Variants in UNC13B observed in about 807,000 individuals in gnomAD.
UNC13B encodes the protein protein unc-13 homolog B.
UNC13B carries 144 observed loss-of-function variants against 211.0 expected under a neutral mutation model. The observed-to-expected ratio is 0.68, with a 90% CI of 0.60 to 0.78. The LOEUF (loss-of-function observed/expected upper bound fraction) is 0.78. UNC13B is among the 30% of genes least tolerant of loss of function. The probability of loss-of-function intolerance (pLI) is 0.00; values close to 1 mark genes in which losing one functional copy is unlikely to be tolerated. For synonymous variants in UNC13B, 709 were observed against 725.8 expected (o/e 0.98, Z 0.37); for missense variants, 1,777 against 2,002.0 (o/e 0.89, Z 2.14).
Position 35,272,414 on chromosome 9 carries a change from C to T in UNC13B, c.526+13364C>T, listed in dbSNP as rs370494949. Among the ~76,000 whole-genome samples the T allele has an allele frequency of 7.6e-4, 116 of 151,918 alleles. 1 individual carries two copies. In the South Asian group the frequency reaches 0.019, roughly 25 times the overall value. The stretch of plus-strand genomic sequence containing the variant: ...CTGGGATTACAGGCACCTACCACCA[C>T]ACGTGGCTAATTTTTGTATTTTTAG... On this transcript the variant is annotated intron_variant, in intron 7 of 39. Transcript: ENST00000635942.
chr9:35,209,437 G>A (rs1051246762), intron 1 of UNC13B, among the ~76,000 whole-genome samples: 2 of 152,030 alleles, frequency 1.3e-5, no homozygotes, highest in African/African-American at 4.8e-5. Context: ...AAGTGCAGTG[G>A]CATGACTTTG....
rs1045116787 is a variant in UNC13B at position 35,240,840 on chromosome 9, G to A, written c.395-2451G>A. Among the ~76,000 whole-genome samples the A allele has an allele frequency of 3.3e-5, 5 of 152,084 alleles. No individual in the cohort carries two copies. In the South Asian group the frequency reaches 8.3e-4, roughly 25 times the overall value. On this transcript the variant is annotated intron_variant, in intron 5 of 39. Transcript: ENST00000635942. Reference sequence around the variant, plus strand: ...GGAGGCTGAGGTGGGTGGATCATGAGGTCAGGAGTTCAAGACCAGCCTGAC... The same window carrying A: ...GGAGGCTGAGGTGGGTGGATCATGAAGTCAGGAGTTCAAGACCAGCCTGAC...
intron 15 of UNC13B, among the ~76,000 whole-genome samples, chr9:35,376,878 A>T (rs898383547): frequency 2.0e-5 from 3 of 152,192 alleles, no homozygotes; most frequent in African/African-American, 7.2e-5. Context: ...TAGCGCTCAA[A>T]GTTCATATCT....
intron 5 of UNC13B, among the ~76,000 whole-genome samples, chr9:35,242,954 A>G (rs1377856716): frequency 6.6e-6 from 1 of 152,146 alleles, no homozygotes; most frequent in Non-Finnish European, 1.5e-5. Context: ...GGAAGGTAGT[A>G]TGGTTACATA....
chr9:35,348,998 A>G (rs1324784403), intron 11 of UNC13B, among the ~76,000 whole-genome samples: 2 of 152,010 alleles, frequency 1.3e-5, no homozygotes, highest in Non-Finnish European at 2.9e-5. Flanking sequence ...GCTCACCGCA[A>G]CCTCTGCCTC....
rs749880243 is a variant in UNC13B, at chr9:35,313,887, C to T, written c.9324-12C>T. 1 of 1,607,938 alleles carries T rather than the reference C, an allele frequency of 6.2e-7. No individual in the cohort carries two copies. Among genetic ancestry groups the T allele is most frequent in the Non-Finnish European group, 8.5e-7 (1 of 1,174,652 alleles). ...GCTATTTTTAAGAAATGTACTTTTT[C>T]TCTGTTACAAGTTTTCCTGAGGAGA... is the stretch of plus-strand genomic sequence containing the variant. On this transcript the variant is annotated splice_polypyrimidine_tract_variant and intron_variant, in intron 10 of 39. Transcript: ENST00000635942.
intron 11 of UNC13B, among the ~76,000 whole-genome samples, chr9:35,339,272 G>T (rs1408587234): frequency 1.3e-5 from 2 of 152,198 alleles, no homozygotes; most frequent in African/African-American, 4.8e-5. Context: ...CTTTGAGGAA[G>T]CTTCCCAACT....
chr9:35,217,529 C>T (rs1328411816), intron 1 of UNC13B, among the ~76,000 whole-genome samples: 1 of 151,946 alleles, frequency 6.6e-6, no homozygotes. Flanking sequence ...GCTGGGACTA[C>T]AGGGGCGTGC....
At chr9:35,393,574 C>CTTTTTTTTTTTTT (rs749007486) in intron 26 of UNC13B, among the ~76,000 whole-genome samples, 1 of 118,864 alleles carries the variant, frequency 8.4e-6, no homozygotes, top group Non-Finnish European at 1.7e-5. Flanking sequence ...GACTCTCTCT[C>CTTTTTTTTTTTTT]TTTTTTTTTT....
At chr9:35,310,823 G>T in intron 10 of UNC13B, 42 bp downstream of exon 10, 1 of 1,564,408 alleles carries the variant, frequency 6.4e-7, no homozygotes, top group Non-Finnish European at 8.7e-7. Context: ...GGCTTCCTCA[G>T]TACCTGCCCT....
intron 6 of UNC13B, among the ~76,000 whole-genome samples, chr9:35,248,803 G>A (rs554430273): frequency 2.6e-5 from 4 of 152,250 alleles, no homozygotes; most frequent in Non-Finnish European, 5.9e-5. Flanking sequence ...GAGTAAGTGC[G>A]GTGTGGTGCT....
chr9:35,403,616 A>G lies in UNC13B; in HGVS notation c.12737+17A>G, dbSNP rs1203366085. The stretch of plus-strand genomic sequence containing the variant: ...ATTCCACTTGTAAGTTACGGGGGGG[A>G]CATACAGGACTCTGGGATGGGGGTA... On this transcript the variant is annotated intron_variant, in intron 39 of 39. Coordinates refer to ENST00000635942, the MANE Select transcript of UNC13B (RefSeq NM_001371189.2). The G allele has an allele frequency of 1.4e-6, 2 of 1,399,220 alleles. No homozygotes were observed. Among genetic ancestry groups the G allele is most frequent in the Admixed American group, 1.9e-5 (1 of 51,784 alleles). 86.7% of individuals were successfully genotyped at this position (1,399,220 alleles called of 1,614,324 possible). A position where few individuals can be genotyped will look rare whatever the true frequency, so the allele number is the denominator to read the frequency against.
intron 11 of UNC13B, among the ~76,000 whole-genome samples, chr9:35,322,363 C>T (rs1830781267): frequency 6.6e-6 from 1 of 151,832 alleles, no homozygotes; most frequent in African/African-American, 2.4e-5. Context: ...GGTGGGTGTT[C>T]CAGGTGGAAG....
chr9:35,352,775 G>T (rs1040533884), intron 11 of UNC13B: 11 of 1,232,194 alleles, frequency 8.9e-6, no homozygotes, highest in African/African-American at 3.1e-5. Flanking sequence ...AGAGAAAAAG[G>T]CTTCTCTGTC....
Position 35,259,015 on chromosome 9 carries a change from A to G in UNC13B, c.491A>G (p.Gln164Arg), listed in dbSNP as rs1334526104. 3.1e-6 allele frequency: 5 copies of G among 1,613,804 alleles called. No individual in the cohort carries two copies. The Admixed American group carries it at 5.0e-5, about 16-fold the overall frequency. ...DNEYSSQEES[Q>R]RKPLPTAAAQ... ...TAGTATTCTAGTCAAGAAGAAAGCC[A>G]GAGGAAGCCATTGCCCACTGCTGCC... Residue 164 changes from glutamine (Q) to arginine (R), a missense_variant, in exon 7 of 40, where the codon CAG becomes CGG. By Grantham distance (43) the Gln-to-Arg change is conservative (BLOSUM62 1). Transcript: ENST00000635942.
intron 6 of UNC13B, among the ~76,000 whole-genome samples, chr9:35,257,954 C>T (rs980702294): frequency 2.0e-5 from 3 of 152,122 alleles, no homozygotes; most frequent in African/African-American, 7.2e-5. Flanking sequence ...ATAATCAAAT[C>T]ATAATTCTCT....
chr9:35,375,391 A>G (rs1298216383), intron 14 of UNC13B, among the ~76,000 whole-genome samples, 190 bp downstream of exon 14: 1 of 152,216 alleles, frequency 6.6e-6, no homozygotes, highest in East Asian at 1.9e-4. Context: ...TCTAGATCAG[A>G]GAGTAAGCCC....
At chr9:35,266,521 C>T (rs993066434) in intron 7 of UNC13B, among the ~76,000 whole-genome samples, 10 of 152,068 alleles carry the variant, frequency 6.6e-5, no homozygotes, top group South Asian at 4.1e-4. Context: ...GGCAACATAG[C>T]GAGACCCTGT....
intron 3 of UNC13B, among the ~76,000 whole-genome samples, chr9:35,235,194 T>G (rs914154078): frequency 6.6e-6 from 1 of 152,208 alleles, no homozygotes; most frequent in Admixed American, 6.5e-5. Context: ...ATGGAATGAT[T>G]TCTTTTCGAA....
Sources: gnomAD v4.1 joint callset for allele counts (sites outside exome capture counted in the v4.1 genomes callset) on GRCh38, gnomAD v4.1.1 for gene constraint, MANE v1.5 for transcripts, NCBI Gene and HGNC (gene_info 2026-07-23, HGNC 2026-07-21) for gene names.